The following ARPIN variants were observed in gnomAD, a reference collection of about 807,000 sequenced individuals.
The protein encoded by ARPIN is UPF0552 protein C15orf38.
ARPIN carries 23 observed loss-of-function variants against 25.9 expected under a neutral mutation model. That is an observed-to-expected ratio of 0.89 (90% CI 0.64 to 1.26). The LOEUF is 1.26. Among genes scored for constraint, ARPIN ranks in the 50% most tolerant of loss-of-function variants. The pLI is 0.00. For synonymous variants in ARPIN, 126 were observed against 131.4 expected, an observed-to-expected ratio of 0.96 and a Z score of 0.28; for missense variants, 333 against 312.2, an observed-to-expected ratio of 1.07 and a Z score of -0.50.
chr15:89,912,287 C>T (rs1897238173), intron 1 of ARPIN: 2 of 995,726 alleles, frequency 2.0e-6, no homozygotes, highest in Non-Finnish European at 2.4e-6. Context: ...GGGCCTGGCC[C>T]TCCAAATCCT....
chr15:89,903,414 C>G, intron 4 of ARPIN, 35 bp from the exon 5 acceptor site: 3 of 1,612,824 alleles, frequency 1.9e-6, no homozygotes, highest in Non-Finnish European at 2.5e-6. Context: ...GTCCTCTGTC[C>G]CTGTGGCAGA....
chr15:89,901,677 G>C lies in ARPIN; in HGVS notation c.*118C>G, dbSNP rs1897023298. ...AAAGAGTATTCCAAGGTGGCTATGGGGAAGAACCAGGTAAGACTTGGCAGA... is the reference window on the plus strand; with the variant it reads ...AAAGAGTATTCCAAGGTGGCTATGGCGAAGAACCAGGTAAGACTTGGCAGA... On this transcript the variant is annotated 3_prime_UTR_variant, in exon 6 of 6. Transcript: ENST00000357484. 2.4e-6 allele frequency: 3 copies of C among 1,267,278 alleles called. No homozygotes were observed. The South Asian group carries it at 3.8e-5, about 16-fold the overall frequency. The allele number at this position is 1,267,278 out of a possible 1,614,324, so 78.5% of individuals were successfully genotyped here.
Position 89,912,946 on chromosome 15 carries a change from C to G in ARPIN, c.-111G>C, listed in dbSNP as rs941069428. On this transcript the variant is annotated 5_prime_UTR_variant, in exon 1 of 6. Transcript: ENST00000357484. Reference sequence around the variant, plus strand: ...ACCCGCGATTCCCAGCCGGCGGATCCGGGAATGGCGCGGCCCGGCCCTCAG... The same window carrying G: ...ACCCGCGATTCCCAGCCGGCGGATCGGGGAATGGCGCGGCCCGGCCCTCAG... 145 of 1,340,656 alleles carry G rather than the reference C, an allele frequency of 1.1e-4. No homozygotes were observed. Among genetic ancestry groups the G allele is most frequent in the Non-Finnish European group, 1.4e-4 (140 of 1,032,394 alleles). 83.0% of individuals were successfully genotyped at this position (1,340,656 alleles called of 1,614,324 possible).
In ARPIN at chr15:89,912,895, C is replaced by G; in HGVS notation, c.-60G>C. The G allele has an allele frequency of 2.1e-5, 31 of 1,460,996 alleles. No individual in the cohort carries two copies. Among genetic ancestry groups the G allele is most frequent in the Non-Finnish European group, 2.7e-5 (30 of 1,113,452 alleles). The allele number at this position is 1,460,996 out of a possible 1,614,324, so 90.5% of individuals were successfully genotyped here. A position where few individuals can be genotyped will look rare whatever the true frequency, so the allele number is the denominator to read the frequency against. On this transcript the variant is annotated 5_prime_UTR_variant, in exon 1 of 6. Coordinates refer to ENST00000357484, the MANE Select transcript of ARPIN (RefSeq NM_182616.4). The stretch of plus-strand genomic sequence containing the variant: ...GGCGCACTGGGCTGGGGGCGCGGCG[C>G]GGGAAGTGCTGCAGGACGCGCGGGG...
At chr15:89,902,818 C>T (rs1252218365) in intron 5 of ARPIN, 9 of 1,124,034 alleles carry the variant, frequency 8.0e-6, no homozygotes, top group Non-Finnish European at 9.9e-6. Context: ...AGCCATTCTC[C>T]AGACACTTCA....
At chr15:89,908,168 A>G in intron 3 of ARPIN, 112 bp downstream of exon 3, 2 of 1,520,566 alleles carry the variant, frequency 1.3e-6, no homozygotes, top group African/African-American at 2.8e-5. Flanking sequence ...ACAGGGCTTC[A>G]ACATCAAGAG....
In ARPIN at chr15:89,897,856, T is replaced by C. The variant is rs1007856806; in HGVS notation, c.*3939A>G. On this transcript the variant is annotated 3_prime_UTR_variant, in exon 6 of 6. Coordinates refer to ENST00000357484, the MANE Select transcript of ARPIN (RefSeq NM_182616.4). The stretch of plus-strand genomic sequence containing the variant: ...GCTCATGCCTGTAATCCCAGCACTT[T>C]GGGAGGCTGAGGAGGGTGGATCACC... 1 of 152,188 alleles carries C rather than the reference T, an allele frequency of 6.6e-6. No individual in the cohort carries two copies. Among genetic ancestry groups the C allele is most frequent in the Non-Finnish European group, 1.5e-5 (1 of 68,046 alleles). The allele number at this position is 152,188 out of a possible 1,614,324, so 9.4% of individuals were successfully genotyped here. A position where few individuals can be genotyped will look rare whatever the true frequency, so the allele number is the denominator to read the frequency against.
rs907699116 is a variant in ARPIN, at chr15:89,896,737, A to G, written c.*5058T>C. 2 of 152,226 alleles carry G rather than the reference A, an allele frequency of 1.3e-5. No individual in the cohort carries two copies. Among genetic ancestry groups the G allele is most frequent in the Non-Finnish European group, 2.9e-5 (2 of 68,044 alleles). The allele number at this position is 152,226 out of a possible 1,614,324, so 9.4% of individuals were successfully genotyped here. ...CAGTAGATAAATGGACGAAAGAACGAATAACAAAGGGAGAAATACAGCTAG... is the reference window on the plus strand; with the variant it reads ...CAGTAGATAAATGGACGAAAGAACGGATAACAAAGGGAGAAATACAGCTAG... On this transcript the variant is annotated 3_prime_UTR_variant, in exon 6 of 6. Transcript: ENST00000357484.
At position 89,895,879 on chromosome 15, in the gene ARPIN, T is replaced by TTTTG. The variant is rs79709796; in HGVS notation, c.*5912_*5915dup. On this transcript the variant is annotated 3_prime_UTR_variant, in exon 6 of 6. Transcript: ENST00000357484. ...AACCGCCACCACGCCTAGTCCAGTT[T>TTTTG]TTTGTTTGTTTGTTTGTTTGTTTGT... 827 of 151,518 alleles carry TTTTG rather than the reference T, an allele frequency of 5.5e-3. 2 individuals are homozygous for TTTTG. The highest frequency in any genetic ancestry group is 8.4e-3 in the Non-Finnish European group (576 of 68,166). 9.4% of individuals were successfully genotyped at this position (151,518 alleles called of 1,614,324 possible).
At chr15:89,906,994 G>A (rs1897131247) in intron 3 of ARPIN, among the ~76,000 whole-genome samples, 1 of 151,840 alleles carries the variant, frequency 6.6e-6, no homozygotes, top group Non-Finnish European at 1.5e-5. Flanking sequence ...GTCAAACTCA[G>A]CTGCCTTTCC....
At chr15:89,911,326 C>T (rs888421985) in intron 1 of ARPIN, among the ~76,000 whole-genome samples, 21 of 152,086 alleles carry the variant, frequency 1.4e-4, no homozygotes, top group Admixed American at 1.2e-3. Flanking sequence ...GTCATTAACC[C>T]GAGGAAATGG....
At chr15:89,906,933 G>A (rs1176699717) in intron 3 of ARPIN, among the ~76,000 whole-genome samples, 3 of 151,322 alleles carry the variant, frequency 2.0e-5, no homozygotes, top group Non-Finnish European at 4.4e-5. Flanking sequence ...CCAGCCTGGG[G>A]GACAGAGCCA....
At position 89,900,835 on chromosome 15, in the gene ARPIN, C is replaced by T. The variant is rs1441354014; in HGVS notation, c.*960G>A. 2 of 152,112 alleles carry T rather than the reference C, an allele frequency of 1.3e-5. No individual in the cohort carries two copies. The highest frequency in any genetic ancestry group is 2.4e-5 in the African/African-American group (1 of 41,408). 9.4% of individuals were successfully genotyped at this position (152,112 alleles called of 1,614,324 possible). ...TAGGAACATTGCTCAGCTGAAAGGCCGTTTACACCTGACAATAACCCAGTA... is the reference window on the plus strand; with the variant it reads ...TAGGAACATTGCTCAGCTGAAAGGCTGTTTACACCTGACAATAACCCAGTA... On this transcript the variant is annotated 3_prime_UTR_variant, in exon 6 of 6. Transcript: ENST00000357484.
At chr15:89,908,984 A>G (rs1164393701) in intron 2 of ARPIN, among the ~76,000 whole-genome samples, 1 of 152,170 alleles carries the variant, frequency 6.6e-6, no homozygotes, top group African/African-American at 2.4e-5. Flanking sequence ...CTTCATCTCA[A>G]AAAACAAAAA....
chr15:89,901,790 G>A lies in ARPIN; in HGVS notation c.*5C>T, dbSNP rs761559636. The A allele has an allele frequency of 9.3e-6, 15 of 1,613,850 alleles. No homozygotes were observed. The highest frequency in any genetic ancestry group is 1.1e-5 in the Non-Finnish European group (13 of 1,179,860). ...TGCTGGTGCCCCCAGAGGCAGCCAC[G>A]TCCCTCAGTCATCCTAGAGAAATCC... On this transcript the variant is annotated 3_prime_UTR_variant, in exon 6 of 6. Transcript: ENST00000357484.
rs777490432 is a variant in ARPIN, at chr15:89,910,786, G to T, written c.126C>A (p.Ile42=). The T allele has an allele frequency of 3.1e-5, 50 of 1,614,034 alleles. No individual in the cohort carries two copies. Among genetic ancestry groups the T allele is most frequent in the Non-Finnish European group, 3.9e-5 (46 of 1,180,020 alleles). Residue 42 remains isoleucine (I), a synonymous_variant, in exon 2 of 6, where the codon ATC becomes ATA. Coordinates refer to ENST00000357484, the MANE Select transcript of ARPIN (RefSeq NM_182616.4). ...CCAAGATGCTGTGCCGAGATACATC[G>T]ATCAGTTCTCCCTCCAGCAGGACAC... The part of the protein sequence containing the change: ...GNGVLLEGEL[I]DVSRHSILDT...
At chr15:89,904,263 C>T (rs550819444) in intron 3 of ARPIN, among the ~76,000 whole-genome samples, 166 of 152,270 alleles carry the variant, frequency 1.1e-3, no homozygotes, top group African/African-American at 3.8e-3. Context: ...TCAGAACCTA[C>T]CTGACAGGAC....
chr15:89,903,917 G>A lies in ARPIN; in HGVS notation c.368C>T (p.Pro123Leu), dbSNP rs759832733. 4 of 1,613,316 alleles carry A rather than the reference G, an allele frequency of 2.5e-6. No homozygotes were observed. The highest frequency in any genetic ancestry group is 1.7e-4 in the Middle Eastern group (1 of 6,058). Reference protein sequence around the residue: ...PEALKGLVNKPELLALTESLT... With the variant: ...PEALKGLVNKLELLALTESLT... ...GCTCTCTGTCAGCGCGAGCAGCTCT[G>A]GCTTGTTGACCAGCCCCTTCAGCGC... The change falls in exon 4 of 6, where the codon CCA becomes CTA. Residue 123 changes from proline (P) to leucine (L), a missense_variant. Pro to Leu is a moderately conservative substitution (Grantham distance 98). Transcript: ENST00000357484.
In ARPIN at chr15:89,903,205, C is replaced by T; in HGVS notation, c.672+11G>A. ...CCAGGAGATACAACTGCACCAACAC[C>T]AGGTACCTACCCACTCCTCGTCCTC... On this transcript the variant is annotated intron_variant, in intron 5 of 5. Coordinates refer to ENST00000357484, the MANE Select transcript of ARPIN (RefSeq NM_182616.4). 6 of 1,614,220 alleles carry T rather than the reference C, an allele frequency of 3.7e-6. No homozygotes were observed. Among genetic ancestry groups the T allele is most frequent in the Non-Finnish European group, 5.1e-6 (6 of 1,180,046 alleles).
Sources: gnomAD v4.1 joint callset for allele counts (sites outside exome capture counted in the v4.1 genomes callset) on GRCh38, gnomAD v4.1.1 for gene constraint, MANE v1.5 for transcripts, NCBI Gene and HGNC (gene_info 2026-07-23, HGNC 2026-07-21) for gene names.